Variants in IQANK1 observed in about 807,000 individuals in gnomAD.
IQANK1 encodes the protein IQ motif and ankyrin repeat containing 1.
Under a neutral mutation model 22.6 loss-of-function variants are expected in IQANK1, and 30 were observed. That is an observed-to-expected ratio of 1.33 (90% CI 0.99 to 1.80). The LOEUF is 1.80. IQANK1 is among the 40% of genes most tolerant of loss of function. IQANK1 has a pLI of 0.00. For missense variants in IQANK1, 275 were observed against 235.2 expected (o/e 1.17, Z -1.11); for synonymous variants, 122 against 99.6 (o/e 1.23, Z -1.34).
intron 3 of IQANK1, among the ~76,000 whole-genome samples, chr8:143,751,502 C>G (rs1234000784): frequency 6.6e-6 from 1 of 150,648 alleles, no homozygotes; most frequent in Non-Finnish European, 1.5e-5. Context: ...ATCCCATCTA[C>G]TTGGGAGGCT....
At chr8:143,766,942 A>G (rs1260962229) in intron 3 of IQANK1, among the ~76,000 whole-genome samples, 2 of 152,126 alleles carry the variant, frequency 1.3e-5, no homozygotes, top group Non-Finnish European at 2.9e-5. Flanking sequence ...TGAAATCTCT[A>G]TTCTTTCCCA....
At position 143,771,643 on chromosome 8, in the gene IQANK1, CG is replaced by C; in HGVS notation, c.306+30del. 5.0e-6 allele frequency: 2 copies of C among 399,822 alleles called. No homozygotes were observed. Among genetic ancestry groups the C allele is most frequent in the Non-Finnish European group, 8.8e-6 (2 of 227,254 alleles). The allele number at this position is 399,822 out of a possible 1,614,324, so 24.8% of individuals were successfully genotyped here. ...GGTGAGGACGGGCAGCCGCAACAGC[CG>C]GGGGCCAGGCAGGAGGCAGGGGGAG... On this transcript the variant is annotated intron_variant, in intron 4 of 13. Transcript: ENST00000527139. This position sits in a 1 kb window ranked among gnomAD's most constrained non-coding sequence, Gnocchi z 6.0.
chr8:143,762,662 GA>G (rs1819415471), intron 3 of IQANK1, among the ~76,000 whole-genome samples: 1 of 152,258 alleles, frequency 6.6e-6, no homozygotes, highest in East Asian at 1.9e-4. Flanking sequence ...ATTGAGGAAG[GA>G]AAAAATATTT....
intron 3 of IQANK1, among the ~76,000 whole-genome samples, chr8:143,752,995 C>CTTTTT (rs1563771948): frequency 1.3e-5 from 1 of 74,740 alleles, no homozygotes; most frequent in African/African-American, 4.8e-5. Flanking sequence ...ACTCTCTGTT[C>CTTTTT]GTTTTTTTTT....
intron 7 of IQANK1, among the ~76,000 whole-genome samples, chr8:143,779,775 G>C (rs942691182): frequency 6.6e-6 from 1 of 152,194 alleles, no homozygotes; most frequent in African/African-American, 2.4e-5. Context: ...GAAGATTCAT[G>C]AGATAGTGAA....
intron 3 of IQANK1, among the ~76,000 whole-genome samples, chr8:143,748,942 C>T (rs1256935016): frequency 9.5e-5 from 10 of 104,806 alleles, no homozygotes; most frequent in Admixed American, 2.4e-4. Flanking sequence ...AAAATATATA[C>T]ATATATCTAT....
intron 3 of IQANK1, among the ~76,000 whole-genome samples, chr8:143,747,948 C>G (rs545911317): frequency 2.0e-4 from 29 of 142,056 alleles, no homozygotes; most frequent in Non-Finnish European, 3.6e-4. Context: ...CTTTCCTTTC[C>G]TTTCCTTTCC....
At chr8:143,749,044 CAT>C (rs1357478282) in intron 3 of IQANK1, among the ~76,000 whole-genome samples, 37 of 116,874 alleles carry the variant, frequency 3.2e-4, no homozygotes, top group African/African-American at 3.9e-4. Context: ...AAATATATAT[CAT>C]ATATTAAATA....
chr8:143,757,698 C>T (rs540090291), intron 3 of IQANK1, among the ~76,000 whole-genome samples: 1 of 152,134 alleles, frequency 6.6e-6, no homozygotes, highest in African/African-American at 2.4e-5. Context: ...GTGTCACCCA[C>T]TCTGGAGTGG....
intron 3 of IQANK1, among the ~76,000 whole-genome samples, chr8:143,740,599 C>G (rs1358275507): frequency 6.6e-6 from 1 of 152,264 alleles, no homozygotes; most frequent in Admixed American, 6.5e-5. Flanking sequence ...CCTGCTCTTC[C>G]CTGGGCTCCT....
intron 7 of IQANK1, among the ~76,000 whole-genome samples, chr8:143,772,760 C>T (rs1554629927): frequency 6.6e-6 from 1 of 152,242 alleles, no homozygotes; most frequent in East Asian, 1.9e-4. Context: ...CAGCGACTCC[C>T]ATTTTGTGAA....
intron 7 of IQANK1, among the ~76,000 whole-genome samples, chr8:143,773,267 A>G (rs1554629983): frequency 6.6e-6 from 1 of 150,752 alleles, no homozygotes; most frequent in African/African-American, 2.5e-5. Context: ...AGATGGCGCC[A>G]CTGCACTCCA....
In IQANK1 at chr8:143,764,468, A is replaced by T. The variant is rs1454289717; in HGVS notation, c.176-7020A>T. ...CGTCGCTACAAAAAAAAAAAAAAAAATTAGTGCCTGTAGTCCCAGCTCCTC... is the reference window on the plus strand; with the variant it reads ...CGTCGCTACAAAAAAAAAAAAAAAATTTAGTGCCTGTAGTCCCAGCTCCTC... On this transcript the variant is annotated intron_variant, in intron 3 of 13. Transcript: ENST00000527139. 5.3e-5 allele frequency among the ~76,000 whole-genome samples: 8 copies of T among 150,922 alleles called. No homozygotes were observed. The South Asian group carries it at 1.7e-3, about 32-fold the overall frequency.
rs535009717 is a variant in IQANK1 at position 143,763,051 on chromosome 8, C to G, written c.176-8437C>G. ...TCTTTTCTTAAAACTGAGTCTTGCT[C>G]TGTCACCCAGGCTGGAGTGCAGTGG... On this transcript the variant is annotated intron_variant, in intron 3 of 13. Transcript: ENST00000527139. Among the ~76,000 whole-genome samples the G allele has an allele frequency of 1.5e-4, 23 of 150,818 alleles. No homozygotes were observed. The South Asian group carries it at 4.8e-3, about 31-fold the overall frequency.
intron 3 of IQANK1, among the ~76,000 whole-genome samples, chr8:143,747,111 C>T (rs1819048030): frequency 6.6e-6 from 1 of 152,078 alleles, no homozygotes; most frequent in South Asian, 2.1e-4. Context: ...GATCTCCTGA[C>T]CTCGTGATCC....
At chr8:143,767,235 A>C (rs1007386745) in intron 3 of IQANK1, among the ~76,000 whole-genome samples, 1 of 152,222 alleles carries the variant, frequency 6.6e-6, no homozygotes, top group Non-Finnish European at 1.5e-5. Flanking sequence ...CCTATAGCTC[A>C]ATGTGCGGAG....
At chr8:143,773,903 C>T (rs920485680) in intron 7 of IQANK1, among the ~76,000 whole-genome samples, 1 of 152,062 alleles carries the variant, frequency 6.6e-6, no homozygotes, top group African/African-American at 2.4e-5. Flanking sequence ...CATGGTGGCC[C>T]GGAGAGCTGA....
chr8:143,761,070 A>C (rs1819386742), intron 3 of IQANK1, among the ~76,000 whole-genome samples: 1 of 152,184 alleles, frequency 6.6e-6, no homozygotes, highest in African/African-American at 2.4e-5. Flanking sequence ...CCAGGGCGTC[A>C]ATGCGGGTTT....
intron 3 of IQANK1, chr8:143,745,393 GC>G (rs376964909): frequency 1.3e-5 from 2 of 152,180 alleles, no homozygotes; most frequent in African/African-American, 4.8e-5. Flanking sequence ...CAGAGCTCCT[GC>G]CAGGAGTTCA....
Sources: allele counts gnomAD v4.1 joint callset (sites outside exome capture counted in the v4.1 genomes callset), GRCh38; gene constraint gnomAD v4.1.1; non-coding constraint Gnocchi (gnomAD v3.1); transcripts MANE v1.5; gene names NCBI Gene and HGNC (gene_info 2026-07-23, HGNC 2026-07-21).